Variants in INPP4B observed in about 807,000 individuals in gnomAD.
INPP4B encodes inositol polyphosphate 4-phosphatase type II.
Under a neutral mutation model 122.5 loss-of-function variants are expected in INPP4B, and 55 were observed. The ratio of observed to expected loss-of-function variants is 0.45; its 90% CI spans 0.36 to 0.56. INPP4B has a LOEUF of 0.56. Among genes scored for constraint, INPP4B ranks in the 20% least tolerant of loss-of-function variants. The pLI is 0.00. For missense variants in INPP4B, 1,000 were observed against 1,097.7 expected, an observed-to-expected ratio of 0.91 and a Z score of 1.26; for synonymous variants, 403 against 388.7, an observed-to-expected ratio of 1.04 and a Z score of -0.43.
At chr4:142,412,738 C>T (rs1432408833) in intron 5 of INPP4B, among the ~76,000 whole-genome samples, 3 of 145,496 alleles carry the variant, frequency 2.1e-5, no homozygotes, top group African/African-American at 7.6e-5. Flanking sequence ...CTCATCTTGT[C>T]CTTCCTCTCA....
At chr4:142,378,542 G>A (rs1792861608) in intron 7 of INPP4B, among the ~76,000 whole-genome samples, 1 of 152,108 alleles carries the variant, frequency 6.6e-6, no homozygotes, top group African/African-American at 2.4e-5. Flanking sequence ...TGCTAGGGAA[G>A]GCAGAATGGG....
At chr4:142,473,876 C>T (rs746417953) in intron 2 of INPP4B, among the ~76,000 whole-genome samples, 22 of 152,140 alleles carry the variant, frequency 1.4e-4, no homozygotes, top group Non-Finnish European at 2.8e-4. Context: ...CCTGTTATCC[C>T]GGGAAGCACC....
At position 142,725,936 on chromosome 4, in the gene INPP4B, AC is replaced by A. The variant is rs145181107; in HGVS notation, c.-253-36del. On this transcript the variant is annotated intron_variant, in intron 1 of 25. Transcript: ENST00000262992. Reference sequence around the variant, plus strand: ...AAGAGAAAGAAGATTAATAAAAACAACCTTTCTTTTTTCCTCTTTAAATGCT... The same window carrying A: ...AAGAGAAAGAAGATTAATAAAAACAACTTTCTTTTTTCCTCTTTAAATGCT... 4.8e-3 allele frequency: 1,901 copies of A among 397,756 alleles called. 37 individuals are homozygous for A. Among genetic ancestry groups the A allele is most frequent in the African/African-American group, 0.035 (1,720 of 48,708 alleles). The allele number at this position is 397,756 out of a possible 1,614,324, so 24.6% of individuals were successfully genotyped here.
At chr4:142,306,901 G>T (rs1763595944) in intron 8 of INPP4B, among the ~76,000 whole-genome samples, 1 of 151,996 alleles carries the variant, frequency 6.6e-6, no homozygotes, top group African/African-American at 2.4e-5. Context: ...GGAAAGGAAA[G>T]GAAAGGATAG....
At chr4:142,645,666 A>G (rs1277619870) in intron 2 of INPP4B, among the ~76,000 whole-genome samples, 6 of 152,276 alleles carry the variant, frequency 3.9e-5, no homozygotes, top group Admixed American at 2.6e-4. Flanking sequence ...CAAAACAATG[A>G]GATAAAAGGA....
chr4:142,676,774 A>T (rs1216323839), intron 2 of INPP4B, among the ~76,000 whole-genome samples: 2 of 152,182 alleles, frequency 1.3e-5, no homozygotes, highest in Non-Finnish European at 2.9e-5. Flanking sequence ...GTGTTGGGAA[A>T]ACTGGCTAGC....
intron 23 of INPP4B, among the ~76,000 whole-genome samples, chr4:142,106,232 GA>G (rs1209357186): frequency 6.6e-6 from 1 of 152,118 alleles, no homozygotes; most frequent in Non-Finnish European, 1.5e-5. Flanking sequence ...TACATGTTTT[GA>G]AAAACACTTG....
intron 21 of INPP4B, 26 bp downstream of exon 21, chr4:142,122,102 G>T: frequency 7.0e-7 from 1 of 1,431,116 alleles, no homozygotes; most frequent in Non-Finnish European, 9.8e-7. Context: ...ACAAAGCCTG[G>T]TCTTCAGGAA....
chr4:142,350,812 A>ATCT (rs1194753796), intron 7 of INPP4B, among the ~76,000 whole-genome samples: 1 of 152,040 alleles, frequency 6.6e-6, no homozygotes, highest in African/African-American at 2.4e-5. Flanking sequence ...GCAAGAAATT[A>ATCT]TCTCTCAGCT....
intron 12 of INPP4B, among the ~76,000 whole-genome samples, chr4:142,237,264 G>A (rs1857080497): frequency 6.6e-6 from 1 of 152,048 alleles, no homozygotes; most frequent in African/African-American, 2.4e-5. Context: ...GCAACCATAA[G>A]CAGTTGAGGA....
intron 5 of INPP4B, among the ~76,000 whole-genome samples, chr4:142,422,141 A>G (rs1359151706): frequency 6.6e-6 from 1 of 152,122 alleles, no homozygotes; most frequent in Non-Finnish European, 1.5e-5. Flanking sequence ...CTGGGTTCAA[A>G]TCTTAGGCTC....
intron 2 of INPP4B, among the ~76,000 whole-genome samples, chr4:142,498,573 G>A (rs1172430708): frequency 1.3e-5 from 2 of 152,036 alleles, no homozygotes; most frequent in African/African-American, 4.8e-5. Context: ...AGGATTGCTT[G>A]AGTCCAGGAG....
intron 22 of INPP4B, among the ~76,000 whole-genome samples, chr4:142,112,218 T>C (rs1790553276): frequency 6.6e-6 from 1 of 152,170 alleles, no homozygotes; most frequent in South Asian, 2.1e-4. Flanking sequence ...GTTTACAATA[T>C]TGAGATATGT....
intron 25 of INPP4B, among the ~76,000 whole-genome samples, chr4:142,046,990 CA>C (rs1578717154): frequency 2.0e-5 from 3 of 152,068 alleles, no homozygotes; most frequent in African/African-American, 7.2e-5. Flanking sequence ...TATTTTATCT[CA>C]GATACATTTT....
At position 142,559,636 on chromosome 4, in the gene INPP4B, C is replaced by T. The variant is rs554003837; in HGVS notation, c.-190-96910G>A. On this transcript the variant is annotated intron_variant, in intron 2 of 25. Transcript: ENST00000262992. ...ATATTGTGATTTAATTTTAGAGTGT[C>T]ACCCACACTTCTACACATATTTATC... is the stretch of plus-strand genomic sequence containing the variant. 1.4e-3 allele frequency among the ~76,000 whole-genome samples: 214 copies of T among 152,184 alleles called. 1 individual carries two copies. Among genetic ancestry groups the T allele is most frequent in the Middle Eastern group, 6.8e-3 (2 of 294 alleles).
chr4:142,300,264 T>C (rs17015855), intron 9 of INPP4B, among the ~76,000 whole-genome samples: 1 of 152,130 alleles, frequency 6.6e-6, no homozygotes, highest in Admixed American at 6.5e-5. Flanking sequence ...TTTATCTTTT[T>C]ATCACTCTGA....
chr4:142,683,676 A>T (rs757732623), intron 2 of INPP4B, among the ~76,000 whole-genome samples: 3 of 151,778 alleles, frequency 2.0e-5, no homozygotes, highest in Non-Finnish European at 4.4e-5. Context: ...ATGAAGCCAG[A>T]CAATGCCTTT....
At chr4:142,617,574 TAAAG>T (rs1335430243) in intron 2 of INPP4B, among the ~76,000 whole-genome samples, 1 of 151,886 alleles carries the variant, frequency 6.6e-6, no homozygotes, top group Non-Finnish European at 1.5e-5. Flanking sequence ...TTGGGTAACA[TAAAG>T]AGAGAAGGCG....
chr4:142,537,081 C>A (rs539446792), intron 2 of INPP4B, among the ~76,000 whole-genome samples: 9 of 152,266 alleles, frequency 5.9e-5, no homozygotes, highest in South Asian at 2.1e-4. Context: ...AGGCATGAGC[C>A]ACTGCCCCCG....
Sources: allele counts gnomAD v4.1 joint callset (sites outside exome capture counted in the v4.1 genomes callset), GRCh38; gene constraint gnomAD v4.1.1; transcripts MANE v1.5; gene names NCBI Gene and HGNC (gene_info 2026-07-23, HGNC 2026-07-21).